PHLDB2: variants seen among roughly 807,000 people sequenced by gnomAD.
PHLDB2 encodes the protein pleckstrin homology like domain family B member 2, also known as pleckstrin homology-like domain family B member 2.
PHLDB2 carries 71 observed loss-of-function variants against 123.6 expected under a neutral mutation model. That is an observed-to-expected ratio of 0.57 (90% CI 0.47 to 0.70). The LOEUF (loss-of-function observed/expected upper bound fraction) is 0.70, where lower values mean the gene tolerates loss of function less well. PHLDB2 is among the 30% of genes least tolerant of loss of function. The pLI is 0.00. For synonymous variants in PHLDB2, 547 were observed against 541.6 expected (o/e 1.01, Z -0.14); for missense variants, 1,446 against 1,519.5 (o/e 0.95, Z 0.80).
At chr3:111,787,921 T>G (rs1179665727) in intron 1 of PHLDB2, among the ~76,000 whole-genome samples, 1 of 152,122 alleles carries the variant, frequency 6.6e-6, no homozygotes, top group African/African-American at 2.4e-5. Context: ...AAAATAAACA[T>G]TAGAGAATAA....
intron 9 of PHLDB2, among the ~76,000 whole-genome samples, chr3:111,946,219 G>C (rs35423545): frequency 4.6e-5 from 7 of 151,872 alleles, no homozygotes; most frequent in Non-Finnish European, 8.8e-5. Flanking sequence ...ACGGGGTTTC[G>C]CCATATTGGT....
At chr3:111,911,729 G>A (rs758311924) in intron 2 of PHLDB2, 18 of 1,534,396 alleles carry the variant, frequency 1.2e-5, no homozygotes, top group South Asian at 3.6e-5. Context: ...AGGGAGGTGC[G>A]AGCTTGTAGG....
At position 111,846,040 on chromosome 3, in the gene PHLDB2, C is replaced by T. The variant is rs2063968856; in HGVS notation, c.67+105C>T. On this transcript the variant is annotated intron_variant, in intron 2 of 17. Transcript: ENST00000393923. ...ATTTTCAAGCATATACCCAGGAGTC[C>T]AGCAATCATTGGGGAAGAGAGCCTG... 18 of 1,175,124 alleles carry T rather than the reference C, an allele frequency of 1.5e-5. No homozygotes were observed. In the South Asian group the frequency reaches 2.5e-4, roughly 16 times the overall value. The allele number at this position is 1,175,124 out of a possible 1,614,324, so 72.8% of individuals were successfully genotyped here.
At chr3:111,972,885 G>A (rs2072299528) in intron 16 of PHLDB2, among the ~76,000 whole-genome samples, 1 of 152,102 alleles carries the variant, frequency 6.6e-6, no homozygotes, top group Admixed American at 6.5e-5. Flanking sequence ...TGCTTAGTAA[G>A]AGGATTTTTG....
At chr3:111,957,264 C>T (rs1340813903) in intron 12 of PHLDB2, 2 of 152,590 alleles carry the variant, frequency 1.3e-5, no homozygotes, top group East Asian at 3.8e-4. Flanking sequence ...TGACAACCTC[C>T]TTGTGTGGTG....
intron 1 of PHLDB2, among the ~76,000 whole-genome samples, chr3:111,736,378 T>C (rs563138503): frequency 6.6e-6 from 1 of 152,332 alleles, no homozygotes; most frequent in South Asian, 2.1e-4. Context: ...TTTTCAAAAC[T>C]GTCCAGTATG....
intron 1 of PHLDB2, among the ~76,000 whole-genome samples, chr3:111,774,849 G>T (rs1048256867): frequency 1.1e-4 from 17 of 152,034 alleles, no homozygotes; most frequent in African/African-American, 1.2e-4. Flanking sequence ...TCATTCCCCA[G>T]TTCAGCATCC....
chr3:111,831,038 G>A (rs4426653), intron 1 of PHLDB2, among the ~76,000 whole-genome samples: 23,893 of 53,156 alleles, frequency 0.45, 5,430 homozygotes, highest in East Asian at 0.65. Flanking sequence ...AGAAAGGAAG[G>A]AAGGAAGAAA....
chr3:111,888,463 T>G (rs937375590), intron 2 of PHLDB2, among the ~76,000 whole-genome samples: 2 of 152,162 alleles, frequency 1.3e-5, no homozygotes, highest in Non-Finnish European at 2.9e-5. Context: ...GAGTAGTGAA[T>G]GTTTGTGGTT....
intron 1 of PHLDB2, among the ~76,000 whole-genome samples, chr3:111,776,884 C>T (rs2060275604): frequency 1.3e-5 from 2 of 152,082 alleles, no homozygotes; most frequent in South Asian, 4.1e-4. Context: ...GCTGAAGACA[C>T]TTAAGTATAT....
chr3:111,782,258 T>A (rs577403561), intron 1 of PHLDB2, among the ~76,000 whole-genome samples: 1 of 152,190 alleles, frequency 6.6e-6, no homozygotes, highest in African/African-American at 2.4e-5. Flanking sequence ...TAGTTATACA[T>A]GGAACTTCCT....
At chr3:111,754,875 T>A in intron 1 of PHLDB2, among the ~76,000 whole-genome samples, 1 of 145,016 alleles carries the variant, frequency 6.9e-6, no homozygotes, top group Non-Finnish European at 1.5e-5. Context: ...TGTTGAATTT[T>A]GTCAAAGGCC....
intron 2 of PHLDB2, among the ~76,000 whole-genome samples, chr3:111,906,598 A>G (rs1156293104): frequency 1.3e-5 from 2 of 152,250 alleles, no homozygotes; most frequent in African/African-American, 4.8e-5. Context: ...TGTATTGAGC[A>G]TGTTTGAGAA....
chr3:111,830,008 A>C (rs1216251858), intron 1 of PHLDB2, among the ~76,000 whole-genome samples: 1 of 151,526 alleles, frequency 6.6e-6, no homozygotes, highest in Non-Finnish European at 1.5e-5. Flanking sequence ...TTAGATTCAG[A>C]GTCTACTCTC....
At chr3:111,802,974 A>C (rs759447533) in intron 1 of PHLDB2, among the ~76,000 whole-genome samples, 12 of 152,250 alleles carry the variant, frequency 7.9e-5, no homozygotes, top group Non-Finnish European at 1.6e-4. Flanking sequence ...AATAAAGCAG[A>C]TATATGATAT....
In PHLDB2 at chr3:111,884,356, G is replaced by A; in HGVS notation, c.279G>A (p.Gln93=). ...TAGCCAAAATCCAGGGAAGCAAGCA[G>A]TTCTCTTATGATGGAACTGACAAAA... ...PSLAKIQGSK[Q]FSYDGTDKNI... The change falls in exon 2 of 18, where the codon CAG becomes CAA. Residue 93 remains glutamine (Q), a synonymous_variant. Coordinates refer to ENST00000431670, the MANE Select transcript of PHLDB2 (RefSeq NM_001134438.2). 6.2e-7 allele frequency: 1 copy of A among 1,614,148 alleles called. No individual in the cohort carries two copies. The highest frequency in any genetic ancestry group is 1.1e-5 in the South Asian group (1 of 91,072).
chr3:111,825,800 G>GT (rs941211256), intron 1 of PHLDB2, among the ~76,000 whole-genome samples: 5 of 151,968 alleles, frequency 3.3e-5, no homozygotes, highest in African/African-American at 7.3e-5. Flanking sequence ...CTTTATGAAG[G>GT]TTTTTTTAAT....
chr3:111,896,359 C>CA (rs759203779), intron 2 of PHLDB2, among the ~76,000 whole-genome samples: 2,787 of 26,930 alleles, frequency 0.1, 92 homozygotes, highest in African/African-American at 0.2. Context: ...TCTTCCCCCG[C>CA]CCCGAGACGG....
chr3:111,948,875 C>T (rs2070504989), intron 9 of PHLDB2, 57 bp from the exon 10 acceptor site: 1 of 1,561,626 alleles, frequency 6.4e-7, no homozygotes, highest in Non-Finnish European at 8.8e-7. Context: ...CATTAATACT[C>T]TCGCATGCCT....
Sources: allele counts gnomAD v4.1 joint callset (sites outside exome capture counted in the v4.1 genomes callset), GRCh38; gene constraint gnomAD v4.1.1; transcripts MANE v1.5; gene names NCBI Gene and HGNC (gene_info 2026-07-23, HGNC 2026-07-21).